KTN1: variants seen among roughly 807,000 people sequenced by gnomAD.
KTN1 encodes the protein kinectin.
In KTN1, 130 loss-of-function variants were observed where a neutral mutation model predicts 222.5. That is an observed-to-expected ratio of 0.58 (90% CI 0.51 to 0.68). The LOEUF (loss-of-function observed/expected upper bound fraction) is 0.68, where lower values mean the gene tolerates loss of function less well. Among genes scored for constraint, KTN1 ranks in the 30% least tolerant of loss-of-function variants. The pLI, the probability that KTN1 is intolerant of heterozygous loss-of-function variation, is 0.00. For synonymous variants in KTN1, 512 were observed against 496.3 expected (o/e 1.03, Z -0.42); for missense variants, 1,508 against 1,500.4 (o/e 1.01, Z -0.08).
intron 19 of KTN1, among the ~76,000 whole-genome samples, chr14:55,647,547 C>A (rs1292367181): frequency 4.3e-5 from 6 of 138,626 alleles, no homozygotes; most frequent in African/African-American, 1.4e-4. Context: ...GCAGGAGAAT[C>A]ACTTGAACCT....
At chr14:55,618,465 C>A (rs1377135623) in intron 4 of KTN1, among the ~76,000 whole-genome samples, 2 of 152,002 alleles carry the variant, frequency 1.3e-5, no homozygotes, top group African/African-American at 4.8e-5. Flanking sequence ...AGGTTCACAG[C>A]AAAATTCATT....
At chr14:55,614,086 G>T (rs146256921) in intron 2 of KTN1, among the ~76,000 whole-genome samples, 4 of 152,162 alleles carry the variant, frequency 2.6e-5, no homozygotes, top group Admixed American at 2.6e-4. Context: ...GCCATACAAC[G>T]TGAGGTATAG....
chr14:55,648,964 T>A, intron 21 of KTN1, 94 bp downstream of exon 21: 1 of 867,598 alleles, frequency 1.2e-6, no homozygotes. Context: ...CTTGCTCTTT[T>A]GCCCAGGCTG....
Position 55,628,092 on chromosome 14 carries a change from A to G in KTN1, c.1080+64A>G, listed in dbSNP as rs1414460059. 3 of 979,356 alleles carry G rather than the reference A, an allele frequency of 3.1e-6. No individual in the cohort carries two copies. The Admixed American group carries it at 6.2e-5, about 20-fold the overall frequency. The allele number at this position is 979,356 out of a possible 1,614,324, so 60.7% of individuals were successfully genotyped here. A position where few individuals can be genotyped will look rare whatever the true frequency, so the allele number is the denominator to read the frequency against. On this transcript the variant is annotated intron_variant, in intron 6 of 43. Coordinates refer to ENST00000395314, the MANE Select transcript of KTN1 (RefSeq NM_001079521.2). ...ATCAGAAGCAACAAAAGATTTTAGA[A>G]ATTGTCCATAATCAGTAGTTTAATT...
At chr14:55,597,301 A>C (rs991466230) in intron 1 of KTN1, among the ~76,000 whole-genome samples, 1 of 152,322 alleles carries the variant, frequency 6.6e-6, no homozygotes, top group South Asian at 2.1e-4. Flanking sequence ...TTCTTAAGCC[A>C]TAGTTCTTAA....
intron 9 of KTN1, among the ~76,000 whole-genome samples, chr14:55,635,148 C>T (rs1365322122): frequency 2.6e-5 from 4 of 152,082 alleles, no homozygotes. Flanking sequence ...TTAATGGGAC[C>T]TGTAGTCTAA....
chr14:55,648,720 A>T, intron 20 of KTN1, 82 bp from the exon 21 acceptor site: 1 of 908,996 alleles, frequency 1.1e-6, no homozygotes. Flanking sequence ...GCAGCTAAAG[A>T]AATGAGAAAC....
chr14:55,630,005 A>G lies in KTN1; in HGVS notation c.1129A>G (p.Lys377Glu). 4.4e-6 allele frequency: 7 copies of G among 1,603,426 alleles called. No homozygotes were observed. The highest frequency in any genetic ancestry group is 6.0e-6 in the Non-Finnish European group (7 of 1,170,254). ...ERSNVVITRM[K>E]DRIGTLEKEH... The stretch of plus-strand genomic sequence containing the variant: ...AAGCAATGTGGTTATAACAAGGATG[A>G]AAGATCGAATTGGAACATTAGAAAA... The change falls in exon 7 of 44, where the codon AAA (lysine) becomes GAA (glutamate). Residue 377 changes from lysine (K) to glutamate (E), a missense_variant. Coordinates refer to ENST00000395314, the MANE Select transcript of KTN1 (RefSeq NM_001079521.2).
chr14:55,661,794 A>ATAAGTGAAAAGATGAATTCTTAT (rs2044173703), intron 32 of KTN1, 182 bp downstream of exon 32: 4 of 396,606 alleles, frequency 1.0e-5, no homozygotes, highest in African/African-American at 2.1e-5. Flanking sequence ...TTTTTTTTAA[A>ATAAGTGAAAAGATGAATTCTTAT]TAAGTGAAAA....
At chr14:55,601,615 A>G (rs562596715) in intron 1 of KTN1, 2 of 152,290 alleles carry the variant, frequency 1.3e-5, no homozygotes, top group African/African-American at 4.8e-5. Flanking sequence ...TTGTTTTTTC[A>G]AAATGATTTG....
chr14:55,626,208 C>CAA (rs532496956), intron 5 of KTN1, among the ~76,000 whole-genome samples: 4 of 143,280 alleles, frequency 2.8e-5, no homozygotes, highest in Non-Finnish European at 6.1e-5. Context: ...ATATCTTTAA[C>CAA]AAAAAAAAAA....
At chr14:55,646,323 C>T (rs1369583086) in intron 18 of KTN1, among the ~76,000 whole-genome samples, 1 of 152,038 alleles carries the variant, frequency 6.6e-6, no homozygotes, top group African/African-American at 2.4e-5. Context: ...AGGATTTATG[C>T]ACTTGTCTAC....
At chr14:55,603,633 A>G (rs764362217) in intron 1 of KTN1, among the ~76,000 whole-genome samples, 2 of 152,044 alleles carry the variant, frequency 1.3e-5, no homozygotes, top group Non-Finnish European at 2.9e-5. Context: ...ATTTATACCC[A>G]TTTGTTTGGG....
chr14:55,641,468 T>C (rs542493299), intron 17 of KTN1, among the ~76,000 whole-genome samples: 1 of 152,252 alleles, frequency 6.6e-6, no homozygotes, highest in Non-Finnish European at 1.5e-5. Context: ...ACTGTCTTAT[T>C]TGTCTCCACT....
intron 35 of KTN1, chr14:55,671,208 T>C: frequency 4.0e-6 from 1 of 251,420 alleles, no homozygotes; most frequent in East Asian, 8.5e-5. Context: ...GCTACTGAAA[T>C]TGGGGGGGAT....
chr14:55,673,373 A>G (rs1300887784), intron 40 of KTN1, 118 bp downstream of exon 40: 3 of 613,796 alleles, frequency 4.9e-6, no homozygotes, highest in Non-Finnish European at 8.7e-6. Context: ...GCCTTTTTGT[A>G]AGTCTAAGAT....
Position 55,670,820 on chromosome 14 carries a change from C to T in KTN1, c.3348+11C>T, listed in dbSNP as rs1452862247. 6.5e-7 allele frequency: 1 copy of T among 1,530,774 alleles called. No individual in the cohort carries two copies. Among genetic ancestry groups the T allele is most frequent in the Non-Finnish European group, 9.0e-7 (1 of 1,115,314 alleles). 94.8% of individuals were successfully genotyped at this position (1,530,774 alleles called of 1,614,324 possible). On this transcript the variant is annotated intron_variant, in intron 35 of 43. Transcript: ENST00000395314. The stretch of plus-strand genomic sequence containing the variant: ...TCAGAGGAGGTTAAGGTTAGTTCAG[C>T]AAATGAACTGTTTGTAATTTAAACA...
chr14:55,595,286 C>T (rs566105938), intron 1 of KTN1, among the ~76,000 whole-genome samples: 2 of 152,152 alleles, frequency 1.3e-5, no homozygotes, highest in Non-Finnish European at 2.9e-5. Context: ...TAAACAGTCA[C>T]TAATACCAAA....
At chr14:55,672,012 A>C in intron 37 of KTN1, 135 bp downstream of exon 37, 1 of 627,660 alleles carries the variant, frequency 1.6e-6, no homozygotes, top group South Asian at 2.0e-5. Context: ...GGGTGGCAGC[A>C]GTCTGTGTTT....
Sources: gnomAD v4.1 joint callset for allele counts (sites outside exome capture counted in the v4.1 genomes callset) on GRCh38, gnomAD v4.1.1 for gene constraint, MANE v1.5 for transcripts, NCBI Gene and HGNC (gene_info 2026-07-23, HGNC 2026-07-21) for gene names.